ERBB4: variants seen among roughly 807,000 people sequenced by gnomAD.
The protein encoded by ERBB4 is erb-b2 receptor tyrosine kinase 4.
In ERBB4, 42 loss-of-function variants were observed where a neutral mutation model predicts 158.0. That is an observed-to-expected ratio of 0.27 (90% CI 0.21 to 0.34). The LOEUF (loss-of-function observed/expected upper bound fraction) is 0.34. ERBB4 is among the 10% of genes least tolerant of loss of function. The pLI is 1.00. For synonymous variants in ERBB4, 583 were observed against 558.7 expected, an observed-to-expected ratio of 1.04 and a Z score of -0.61; for missense variants, 1,333 against 1,624.1, an observed-to-expected ratio of 0.82 and a Z score of 3.08.
intron 19 of ERBB4, among the ~76,000 whole-genome samples, chr2:211,612,068 T>C (rs1420173908): frequency 2.0e-5 from 3 of 152,124 alleles, no homozygotes; most frequent in East Asian, 1.9e-4. Context: ...AGATCTTAAA[T>C]TGAGTTTGTA....
intron 25 of ERBB4, among the ~76,000 whole-genome samples, chr2:211,416,352 A>G (rs907413809): frequency 2.6e-5 from 4 of 152,220 alleles, no homozygotes; most frequent in African/African-American, 9.6e-5. Context: ...CCTATGGAGA[A>G]TTTTTAAATT....
intron 3 of ERBB4, among the ~76,000 whole-genome samples, chr2:211,905,305 C>T (rs1196409967): frequency 6.6e-6 from 1 of 151,942 alleles, no homozygotes; most frequent in East Asian, 1.9e-4. Flanking sequence ...TCTGTTCTCC[C>T]CTTCTGCCTC....
intron 1 of ERBB4, among the ~76,000 whole-genome samples, chr2:212,397,946 G>A (rs1313104162): frequency 6.6e-6 from 1 of 151,928 alleles, no homozygotes; most frequent in Non-Finnish European, 1.5e-5. Flanking sequence ...TTAGGAATAT[G>A]AAACATCATA....
At chr2:211,667,941 A>G (rs1559398242) in intron 14 of ERBB4, among the ~76,000 whole-genome samples, 1 of 152,190 alleles carries the variant, frequency 6.6e-6, no homozygotes, top group African/African-American at 2.4e-5. Flanking sequence ...ACCGGGATAT[A>G]TTCTGAGCAA....
intron 12 of ERBB4, among the ~76,000 whole-genome samples, chr2:211,681,523 A>T (rs1308573413): frequency 1.3e-5 from 2 of 152,228 alleles, no homozygotes; most frequent in East Asian, 3.8e-4. Flanking sequence ...ATCTTCACCA[A>T]CACTGATGTG....
chr2:211,986,937 A>T (rs2081951836), intron 2 of ERBB4, among the ~76,000 whole-genome samples: 2 of 152,310 alleles, frequency 1.3e-5, no homozygotes, highest in Admixed American at 1.3e-4. Context: ...TTTAACAAAG[A>T]TTCCAAGAAT....
intron 1 of ERBB4, among the ~76,000 whole-genome samples, chr2:212,255,191 G>C (rs2084682121): frequency 6.6e-6 from 1 of 152,032 alleles, no homozygotes; most frequent in Non-Finnish European, 1.5e-5. Flanking sequence ...GTACTATTAA[G>C]AGGAAAAAAT....
intron 20 of ERBB4, among the ~76,000 whole-genome samples, chr2:211,509,941 A>G (rs1214228923): frequency 6.6e-6 from 1 of 152,134 alleles, no homozygotes; most frequent in Admixed American, 6.5e-5. Context: ...GTCAAAAAAC[A>G]ACAGATGCTA....
chr2:212,491,902 G>A (rs988513033), intron 1 of ERBB4, among the ~76,000 whole-genome samples: 9 of 151,348 alleles, frequency 5.9e-5, no homozygotes, highest in Admixed American at 1.3e-4. Context: ...CAATGTTCCT[G>A]AATACCCTCC....
chr2:211,975,973 T>C (rs1012222915), intron 2 of ERBB4, among the ~76,000 whole-genome samples: 2 of 152,170 alleles, frequency 1.3e-5, no homozygotes, highest in African/African-American at 4.8e-5. Context: ...TGTTTAACAA[T>C]ATTTTATTTA....
chr2:211,493,923 A>G (rs1372947058), intron 20 of ERBB4, among the ~76,000 whole-genome samples: 1 of 152,120 alleles, frequency 6.6e-6, no homozygotes, highest in Non-Finnish European at 1.5e-5. Context: ...GATGTTCTGA[A>G]AAGCCAGATT....
rs1484686344 is a variant in ERBB4 at position 211,387,049 on chromosome 2, C to T, written c.3285G>A (p.Gln1095=). The change falls in exon 27 of 28, where the codon CAG becomes CAA. Residue 1095 remains glutamine (Q), a synonymous_variant. Coordinates refer to ENST00000342788, the MANE Select transcript of ERBB4 (RefSeq NM_005235.3). ...TSTIPEAPVA[Q]GATAEIFDDS... ...CATCAAAAATCTCAGCAGTAGCACC[C>T]TGTGCCACAGGAGCTTCTGGAATTG... 1.2e-6 allele frequency: 2 copies of T among 1,613,972 alleles called. No homozygotes were observed. Among genetic ancestry groups the T allele is most frequent in the African/African-American group, 2.7e-5 (2 of 75,012 alleles).
Position 212,161,210 on chromosome 2 carries a change from C to G in ERBB4, c.83-36307G>C, listed in dbSNP as rs113311465. On this transcript the variant is annotated intron_variant, in intron 1 of 27. Transcript: ENST00000342788. ...GAGATCAGATCAAAATATATCTGTA[C>G]AGTCTCTTTCACTCATCTATCCTCA... 6.8e-3 allele frequency among the ~76,000 whole-genome samples: 1,026 copies of G among 151,972 alleles called. 7 individuals are homozygous for G. Among genetic ancestry groups the G allele is most frequent in the African/African-American group, 0.023 (956 of 41,496 alleles).
intron 1 of ERBB4, among the ~76,000 whole-genome samples, chr2:212,461,348 C>A (rs1412488666): frequency 6.6e-6 from 1 of 152,218 alleles, no homozygotes; most frequent in Non-Finnish European, 1.5e-5. Flanking sequence ...TGGGAACCCA[C>A]CTCTTGCATC....
chr2:211,912,320 T>C (rs2079559936), intron 3 of ERBB4, among the ~76,000 whole-genome samples: 1 of 152,100 alleles, frequency 6.6e-6, no homozygotes, highest in South Asian at 2.1e-4. Flanking sequence ...TTCAGCTTCA[T>C]GGCTTTAATT....
chr2:212,371,886 G>C (rs966832529), intron 1 of ERBB4, among the ~76,000 whole-genome samples: 1 of 152,064 alleles, frequency 6.6e-6, no homozygotes, highest in Non-Finnish European at 1.5e-5. Context: ...CGAGAACTTG[G>C]TTTGTGTGAC....
rs536891276 is a variant in ERBB4 at position 212,066,743 on chromosome 2, T to C, written c.234+58009A>G. 2.0e-5 allele frequency among the ~76,000 whole-genome samples: 3 copies of C among 152,142 alleles called. No homozygotes were observed. The East Asian group carries it at 5.8e-4, about 29-fold the overall frequency. On this transcript the variant is annotated intron_variant, in intron 2 of 27. Transcript: ENST00000342788. ...TGATGTCCACAGGTAATTGCTTTAA[T>C]CTAACGCGTTTCTAAAAGCTTCTTG...
intron 19 of ERBB4, among the ~76,000 whole-genome samples, chr2:211,598,323 A>T (rs370745460): frequency 6.6e-6 from 1 of 152,110 alleles, no homozygotes; most frequent in South Asian, 2.1e-4. Flanking sequence ...ATGAACCCTG[A>T]AAACAGGAAG....
intron 1 of ERBB4, among the ~76,000 whole-genome samples, chr2:212,139,166 A>G (rs1320691485): frequency 6.6e-6 from 1 of 152,112 alleles, no homozygotes; most frequent in Non-Finnish European, 1.5e-5. Flanking sequence ...CCAACCTTTT[A>G]ATGGAATTCA....
Sources: gnomAD v4.1 joint callset for allele counts (sites outside exome capture counted in the v4.1 genomes callset) on GRCh38, gnomAD v4.1.1 for gene constraint, MANE v1.5 for transcripts, NCBI Gene and HGNC (gene_info 2026-07-23, HGNC 2026-07-21) for gene names.